FBXO11: variants seen among roughly 807,000 people sequenced by gnomAD.
FBXO11 encodes the protein F-box protein 11.
Under a neutral mutation model 117.0 loss-of-function variants are expected in FBXO11, and 13 were observed. The ratio of observed to expected loss-of-function variants is 0.11; its 90% CI spans 0.07 to 0.18. FBXO11 has a LOEUF of 0.18. Ranked by LOEUF, FBXO11 falls within the 10% of genes least tolerant of loss-of-function variation. The pLI, the probability that FBXO11 is intolerant of heterozygous loss-of-function variation, is 1.00. For synonymous variants in FBXO11, 490 were observed against 380.5 expected, an observed-to-expected ratio of 1.29 and a Z score of -3.35; for missense variants, 767 against 1,164.4, an observed-to-expected ratio of 0.66 and a Z score of 4.97.
intron 1 of FBXO11, among the ~76,000 whole-genome samples, chr2:47,884,876 A>G (rs1676699201): frequency 6.6e-6 from 1 of 152,210 alleles, no homozygotes; most frequent in Non-Finnish European, 1.5e-5. Flanking sequence ...AGTTTACTGT[A>G]AAACAGGTTC....
In FBXO11 at chr2:47,864,879, G is replaced by A. The variant is rs538965437; in HGVS notation, c.233-25110C>T. Among the ~76,000 whole-genome samples, 106 of 152,060 alleles carry A rather than the reference G, an allele frequency of 7.0e-4. 1 individual carries two copies. Among genetic ancestry groups the A allele is most frequent in the African/African-American group, 2.4e-3 (100 of 41,490 alleles). On this transcript the variant is annotated intron_variant, in intron 1 of 22. Transcript: ENST00000403359. ...ATAGTCTATTTGTTATGTGAGACAAGAACACTCTTTCCTCATTTATTTGCC... is the reference window on the plus strand; with the variant it reads ...ATAGTCTATTTGTTATGTGAGACAAAAACACTCTTTCCTCATTTATTTGCC...
intron 1 of FBXO11, among the ~76,000 whole-genome samples, chr2:47,901,424 C>T (rs1678293646): frequency 6.6e-6 from 1 of 151,814 alleles, no homozygotes; most frequent in Non-Finnish European, 1.5e-5. Context: ...ACTCCCATGT[C>T]AAGATTATTT....
intron 19 of FBXO11, 41 bp downstream of exon 19, chr2:47,810,275 G>A: frequency 7.5e-7 from 1 of 1,327,654 alleles, no homozygotes; most frequent in Non-Finnish European, 1.1e-6. Context: ...ACACTTTGCA[G>A]AACTATATAT....
At chr2:47,871,645 T>C (rs1243625390) in intron 1 of FBXO11, among the ~76,000 whole-genome samples, 1 of 152,318 alleles carries the variant, frequency 6.6e-6, no homozygotes, top group East Asian at 1.9e-4. Context: ...TTTAGAACCT[T>C]TGTGTATTTT....
chr2:47,821,293 C>A (rs892142311), intron 13 of FBXO11, among the ~76,000 whole-genome samples: 1 of 151,926 alleles, frequency 6.6e-6, no homozygotes, highest in Non-Finnish European at 1.5e-5. Flanking sequence ...GCCTGGCCAA[C>A]ATGGCAAAAC....
At chr2:47,899,222 C>T (rs939849375) in intron 1 of FBXO11, among the ~76,000 whole-genome samples, 2 of 144,170 alleles carry the variant, frequency 1.4e-5, no homozygotes, top group African/African-American at 5.2e-5. Flanking sequence ...TGCGGTGAGC[C>T]GAAATCGCGC....
At chr2:47,874,032 G>C in intron 1 of FBXO11, among the ~76,000 whole-genome samples, 1 of 152,020 alleles carries the variant, frequency 6.6e-6, no homozygotes, top group East Asian at 1.9e-4. Flanking sequence ...GGCCAACATA[G>C]TGAAACCCCG....
intron 1 of FBXO11, among the ~76,000 whole-genome samples, chr2:47,860,609 G>A (rs936098251): frequency 6.6e-6 from 1 of 151,372 alleles, no homozygotes; most frequent in African/African-American, 2.4e-5. Flanking sequence ...GTTTCACTGT[G>A]TTGCCCAGGC....
intron 11 of FBXO11, among the ~76,000 whole-genome samples, chr2:47,828,622 A>G (rs1671944782): frequency 6.6e-6 from 1 of 151,924 alleles, no homozygotes; most frequent in East Asian, 1.9e-4. Context: ...AAAAAAAAAA[A>G]AGACAAAATA....
intron 1 of FBXO11, among the ~76,000 whole-genome samples, chr2:47,847,938 C>G (rs899070916): frequency 2.6e-5 from 4 of 151,876 alleles, no homozygotes; most frequent in African/African-American, 4.8e-5. Context: ...TCCTGGCTAA[C>G]ACGGTGAAAC....
intron 1 of FBXO11, among the ~76,000 whole-genome samples, chr2:47,858,807 G>C (rs895369213): frequency 6.6e-6 from 1 of 151,672 alleles, no homozygotes; most frequent in African/African-American, 2.4e-5. Context: ...CACCTTGGGA[G>C]GCCAAGACGG....
chr2:47,816,496 C>T (rs556429948), intron 16 of FBXO11, among the ~76,000 whole-genome samples: 45 of 152,152 alleles, frequency 3.0e-4, no homozygotes, highest in Non-Finnish European at 4.9e-4. Context: ...CATGAATGTT[C>T]TTAATGAAAT....
Position 47,832,339 on chromosome 2 carries a change from G to C in FBXO11, c.1398+10C>G, listed in dbSNP as rs1173552192. ...AAGTCCGTTTTTCTATTAAAAATAA[G>C]TGTTCTTACCATGCCATGATCAAAT... On this transcript the variant is annotated intron_variant, in intron 11 of 22. Transcript: ENST00000403359. 2 of 1,570,856 alleles carry C rather than the reference G, an allele frequency of 1.3e-6. No individual in the cohort carries two copies. The highest frequency in any genetic ancestry group is 4.5e-5 in the East Asian group (2 of 44,444).
chr2:47,867,830 A>G (rs1675310861), intron 1 of FBXO11, among the ~76,000 whole-genome samples: 1 of 152,236 alleles, frequency 6.6e-6, no homozygotes, highest in South Asian at 2.1e-4. Context: ...TTCCAGGGAA[A>G]TAGAGATGAC....
intron 1 of FBXO11, among the ~76,000 whole-genome samples, chr2:47,844,912 C>A (rs967196667): frequency 6.6e-6 from 1 of 152,210 alleles, no homozygotes. Flanking sequence ...GCTGGGATTA[C>A]AGGCATGAGC....
chr2:47,822,122 C>T (rs1671435726), intron 13 of FBXO11, 96 bp downstream of exon 13: 1 of 816,960 alleles, frequency 1.2e-6, no homozygotes, highest in Non-Finnish European at 2.0e-6. Flanking sequence ...TGGATCAGTG[C>T]TTCCACTTGG....
At chr2:47,876,562 AG>A (rs1166818473) in intron 1 of FBXO11, among the ~76,000 whole-genome samples, 2 of 152,230 alleles carry the variant, frequency 1.3e-5, no homozygotes, top group African/African-American at 4.8e-5. Context: ...ATACATTCGG[AG>A]GAAAGAAGAT....
chr2:47,821,466 C>T (rs1043361841), intron 13 of FBXO11, among the ~76,000 whole-genome samples: 14 of 152,024 alleles, frequency 9.2e-5, no homozygotes, highest in East Asian at 1.9e-4. Context: ...AAAAATTAGC[C>T]GGGCGTGGTG....
At chr2:47,841,281 G>T (rs1041419218) in intron 1 of FBXO11, among the ~76,000 whole-genome samples, 3 of 152,124 alleles carry the variant, frequency 2.0e-5, no homozygotes, top group African/African-American at 7.2e-5. Context: ...TACATAAACT[G>T]AATCACCAGG....
Sources: allele counts gnomAD v4.1 joint callset (sites outside exome capture counted in the v4.1 genomes callset), GRCh38; gene constraint gnomAD v4.1.1; transcripts MANE v1.5; gene names NCBI Gene and HGNC (gene_info 2026-07-23, HGNC 2026-07-21).